Variants in TMCO4 observed in about 807,000 individuals in gnomAD.
The protein encoded by TMCO4 is transmembrane and coiled-coil domains 4, also known as transmembrane and coiled-coil domain-containing protein 4.
A neutral mutation model predicts 64.7 loss-of-function variants in TMCO4; 58 were observed. The observed-to-expected ratio is 0.90, with a 90% CI of 0.73 to 1.12. The LOEUF (loss-of-function observed/expected upper bound fraction) is 1.12, where lower values mean the gene tolerates loss of function less well. Among genes scored for constraint, TMCO4 ranks in the 50% most tolerant of loss-of-function variants. The pLI, the probability that TMCO4 is intolerant of heterozygous loss-of-function variation, is 0.00. For missense variants in TMCO4, 780 were observed against 825.9 expected, an observed-to-expected ratio of 0.94 and a Z score of 0.68; for synonymous variants, 325 against 346.1, an observed-to-expected ratio of 0.94 and a Z score of 0.68.
chr1:19,713,937 A>T (rs532096347), intron 13 of TMCO4, among the ~76,000 whole-genome samples: 2 of 151,690 alleles, frequency 1.3e-5, no homozygotes, highest in East Asian at 3.9e-4. Flanking sequence ...CCAGTTCATT[A>T]TTATTATTAT....
At chr1:19,783,838 C>T (rs1428455475) in intron 3 of TMCO4, among the ~76,000 whole-genome samples, 2 of 152,200 alleles carry the variant, frequency 1.3e-5, no homozygotes, top group Non-Finnish European at 2.9e-5. Flanking sequence ...GTTAAGACCT[C>T]GCCCAAAGTC....
At chr1:19,703,434 T>TTTCCC (rs899132114) in intron 13 of TMCO4, among the ~76,000 whole-genome samples, 27 of 151,668 alleles carry the variant, frequency 1.8e-4, no homozygotes, top group African/African-American at 6.1e-4. Context: ...TCCCTTTTTC[T>TTTCCC]TTCCCTTCCC....
intron 2 of TMCO4, among the ~76,000 whole-genome samples, chr1:19,797,537 C>T (rs1389706830): frequency 6.6e-6 from 1 of 152,016 alleles, no homozygotes; most frequent in Non-Finnish European, 1.5e-5. Flanking sequence ...ACATAGCCTT[C>T]TGGTCCATGT....
intron 2 of TMCO4, among the ~76,000 whole-genome samples, chr1:19,787,323 G>C (rs2043797081): frequency 1.3e-5 from 2 of 152,224 alleles, no homozygotes. Flanking sequence ...TACCACTGCT[G>C]AGCACTCACC....
chr1:19,768,016 C>G (rs1231188898), intron 6 of TMCO4, among the ~76,000 whole-genome samples: 1 of 150,396 alleles, frequency 6.6e-6, no homozygotes, highest in Admixed American at 6.6e-5. Flanking sequence ...CACTTGAACC[C>G]GGGAGGCAGA....
chr1:19,728,267 G>A (rs1490925747), intron 13 of TMCO4, among the ~76,000 whole-genome samples: 1 of 152,192 alleles, frequency 6.6e-6, no homozygotes, highest in African/African-American at 2.4e-5. Flanking sequence ...TCATTCTAGG[G>A]AGAGCTACTC....
At chr1:19,685,060 C>T (rs1333731303) in intron 15 of TMCO4, among the ~76,000 whole-genome samples, 1 of 152,214 alleles carries the variant, frequency 6.6e-6, no homozygotes, top group Admixed American at 6.5e-5. Context: ...CACAGTGTCT[C>T]ACCTCTATAA....
chr1:19,776,792 C>A (rs1036352015), intron 4 of TMCO4, among the ~76,000 whole-genome samples: 2 of 152,064 alleles, frequency 1.3e-5, no homozygotes, highest in African/African-American at 4.8e-5. Context: ...CTTTGGAGGC[C>A]AAGGTGGGCA....
intron 13 of TMCO4, among the ~76,000 whole-genome samples, chr1:19,710,062 T>A (rs1326196529): frequency 6.6e-6 from 1 of 152,090 alleles, no homozygotes; most frequent in South Asian, 2.1e-4. Context: ...ATTACAGGTG[T>A]GAGCCACCGT....
In TMCO4 at chr1:19,687,238, C is replaced by T. The variant is rs140958035; in HGVS notation, c.1501-3794G>A. On this transcript the variant is annotated intron_variant, in intron 15 of 15. Transcript: ENST00000294543. ...AAGTGCTTGGGATTACAGGCGTGAGCCACTGCACCTGGCCTTTTAAATTTT... is the reference window on the plus strand; with the variant it reads ...AAGTGCTTGGGATTACAGGCGTGAGTCACTGCACCTGGCCTTTTAAATTTT... Among the ~76,000 whole-genome samples, 889 of 152,306 alleles carry T rather than the reference C, an allele frequency of 5.8e-3. 9 individuals are homozygous for T. Among genetic ancestry groups the T allele is most frequent in the African/African-American group, 0.02 (839 of 41,554 alleles).
At chr1:19,782,601 TC>T (rs1173445275) in intron 3 of TMCO4, among the ~76,000 whole-genome samples, 3 of 152,220 alleles carry the variant, frequency 2.0e-5, no homozygotes, top group African/African-American at 7.2e-5. Context: ...TCTCCCTCCT[TC>T]TTTTCCTTCC....
chr1:19,740,934 G>C lies in TMCO4; in HGVS notation c.885C>G (p.Phe295Leu). 6.2e-7 allele frequency: 1 copy of C among 1,609,878 alleles called. No individual in the cohort carries two copies. Among genetic ancestry groups the C allele is most frequent in the Non-Finnish European group, 8.5e-7 (1 of 1,178,146 alleles). The change falls in exon 11 of 16, where the codon TTC becomes TTG. Residue 295 changes from phenylalanine (F) to leucine (L), a missense_variant. Transcript: ENST00000294543. ...GGGCCAGGGCAGCCCACGGGGCACT[G>C]AAGGTGCCTGGGGAGATCACAGGTA... ...GWLASGKYRT[F>L]SAPWAALAHS...
chr1:19,736,783 C>A (rs944226129), intron 13 of TMCO4, among the ~76,000 whole-genome samples: 27 of 152,164 alleles, frequency 1.8e-4, no homozygotes, highest in African/African-American at 6.3e-4. Flanking sequence ...GAATGGTGAA[C>A]CCCCAGAAGA....
At chr1:19,755,809 T>G in intron 6 of TMCO4, 43 bp from the exon 7 acceptor site, 2 of 1,612,802 alleles carry the variant, frequency 1.2e-6, no homozygotes, top group Non-Finnish European at 8.5e-7. Context: ...CAGTTTAGGT[T>G]TTAAGAACAG....
At chr1:19,795,983 C>A (rs2044288599) in intron 2 of TMCO4, among the ~76,000 whole-genome samples, 1 of 152,212 alleles carries the variant, frequency 6.6e-6, no homozygotes, top group Non-Finnish European at 1.5e-5. Context: ...CTGCTTCCAG[C>A]CCACGCTGGG....
chr1:19,746,706 C>T (rs1260311095), intron 8 of TMCO4, 107 bp from the exon 9 acceptor site: 13 of 1,363,030 alleles, frequency 9.5e-6, no homozygotes, highest in South Asian at 1.4e-5. Flanking sequence ...GGGCGGATCA[C>T]GAGGTCAGGA....
At chr1:19,757,020 A>G (rs147779245) in intron 6 of TMCO4, among the ~76,000 whole-genome samples, 8 of 152,150 alleles carry the variant, frequency 5.3e-5, no homozygotes, top group African/African-American at 1.9e-4. Flanking sequence ...AAAGTGAAGG[A>G]GGTCGGGCGC....
At chr1:19,769,830 C>A (rs2101017122) in intron 6 of TMCO4, among the ~76,000 whole-genome samples, 1 of 119,710 alleles carries the variant, frequency 8.4e-6, no homozygotes, top group East Asian at 1.9e-4. Context: ...CTTTTTGGCA[C>A]TAGGGACCAG....
At chr1:19,688,417 C>T (rs528163041) in intron 15 of TMCO4, among the ~76,000 whole-genome samples, 1 of 152,312 alleles carries the variant, frequency 6.6e-6, no homozygotes, top group South Asian at 2.1e-4. Flanking sequence ...TGCCATCACC[C>T]ACCTCCATCT....
Sources: allele counts gnomAD v4.1 joint callset (sites outside exome capture counted in the v4.1 genomes callset), GRCh38; gene constraint gnomAD v4.1.1; transcripts MANE v1.5; gene names NCBI Gene and HGNC (gene_info 2026-07-23, HGNC 2026-07-21).